Variants in SMAD9 observed in about 807,000 individuals in gnomAD.
SMAD9 encodes the protein MAD homolog 9.
In SMAD9, 36 loss-of-function variants were observed where a neutral mutation model predicts 46.1. That is an observed-to-expected ratio of 0.78 (90% CI 0.60 to 1.03). The LOEUF (loss-of-function observed/expected upper bound fraction) is 1.03. Among genes scored for constraint, SMAD9 ranks in the 50% least tolerant of loss-of-function variants. SMAD9 has a pLI of 0.00. For synonymous variants in SMAD9, 245 were observed against 237.1 expected (o/e 1.03, Z -0.31); for missense variants, 572 against 599.8 (o/e 0.95, Z 0.48).
At chr13:36,854,884 G>T (rs540579615) in intron 5 of SMAD9, among the ~76,000 whole-genome samples, 3 of 152,162 alleles carry the variant, frequency 2.0e-5, no homozygotes, top group South Asian at 4.1e-4. Flanking sequence ...TGTCTATTTT[G>T]ATTTGTGAAG....
At chr13:36,866,804 G>C (rs1267906364) in intron 4 of SMAD9, among the ~76,000 whole-genome samples, 7 of 152,146 alleles carry the variant, frequency 4.6e-5, no homozygotes, top group Non-Finnish European at 1.0e-4. Flanking sequence ...ATTTATGCAA[G>C]ATCACAACGT....
intron 5 of SMAD9, among the ~76,000 whole-genome samples, chr13:36,858,770 C>T (rs551611227): frequency 8.5e-5 from 13 of 152,312 alleles, no homozygotes; most frequent in African/African-American, 2.2e-4. Context: ...TCAAAGCTAA[C>T]ATCTATTAGT....
Position 36,879,662 on chromosome 13 carries a change from G to A in SMAD9, c.28C>T (p.Leu10Phe), listed in dbSNP as rs1286123748. The A allele has an allele frequency of 6.2e-7, 1 of 1,614,204 alleles. No individual in the cohort carries two copies. The highest frequency in any genetic ancestry group is 8.5e-7 in the Non-Finnish European group (1 of 1,180,040). ...ACTGCGGGGCTGGTGAAGGAGAAGA[G>A]GGAGCTGATGGGGGTGGTGGAGTGC... MHSTTPISS[L>F]FSFTSPAVKR... The change falls in exon 2 of 7, where the codon CTC becomes TTC. Residue 10 changes from leucine (L) to phenylalanine (F), a missense_variant. Transcript: ENST00000379826.
In SMAD9 at chr13:36,872,800, G is replaced by C; in HGVS notation, c.528C>G (p.Thr176=). 1.2e-6 allele frequency: 2 copies of C among 1,614,106 alleles called. No homozygotes were observed. Among genetic ancestry groups the C allele is most frequent in the Non-Finnish European group, 1.7e-6 (2 of 1,180,018 alleles). The change falls in exon 3 of 7, where the codon ACC becomes ACG. Residue 176 remains threonine (T), a synonymous_variant. Transcript: ENST00000379826. ...GAGGCTGCTGGAAAGAGTCAGGATA[G>C]GTGGCGTTGTGTGGCATGAGTGGCT... ...HSEPLMPHNA[T]YPDSFQQPPC...
intron 3 of SMAD9, among the ~76,000 whole-genome samples, chr13:36,870,476 C>A (rs972797086): frequency 3.3e-5 from 5 of 152,118 alleles, no homozygotes; most frequent in Non-Finnish European, 7.4e-5. Context: ...GGACCTCCCT[C>A]CCCCAATTCA....
chr13:36,853,515 CTGGTTGTT>C lies in SMAD9; in HGVS notation c.1156_1163del (p.Asn386AlafsTer15). 1 of 1,614,188 alleles carries C rather than the reference CTGGTTGTT, an allele frequency of 6.2e-7. No individual in the cohort carries two copies. The highest frequency in any genetic ancestry group is 8.5e-7 in the Non-Finnish European group (1 of 1,180,046). On this transcript the variant is annotated frameshift_variant, in exon 6 of 7. Coordinates refer to ENST00000379826, the MANE Select transcript of SMAD9 (RefSeq NM_001127217.3). LOFTEE classifies it high-confidence loss of function. ...ACTGGGCCAGGAGCTGAGCGAAGAG[CTGGTTGTT>C]GAAGACCTTGAGGCTGCAGCCGCTG... is the stretch of plus-strand genomic sequence containing the variant.
chr13:36,852,728 G>T (rs568504314), intron 6 of SMAD9, among the ~76,000 whole-genome samples: 1 of 152,148 alleles, frequency 6.6e-6, no homozygotes, highest in African/African-American at 2.4e-5. Flanking sequence ...CTTTCTAAGA[G>T]TAAGGAGAGT....
At chr13:36,873,717 G>A (rs2058318707) in intron 2 of SMAD9, among the ~76,000 whole-genome samples, 1 of 152,074 alleles carries the variant, frequency 6.6e-6, no homozygotes, top group Non-Finnish European at 1.5e-5. Context: ...ACAACAATTA[G>A]CCGGGTGTGG....
At chr13:36,893,911 A>G (rs1351463639) in intron 1 of SMAD9, among the ~76,000 whole-genome samples, 3 of 152,116 alleles carry the variant, frequency 2.0e-5, no homozygotes, top group South Asian at 4.1e-4. Flanking sequence ...CATAATTTTT[A>G]TAAGTGTGCT....
intron 1 of SMAD9, among the ~76,000 whole-genome samples, chr13:36,914,470 G>A (rs544788149): frequency 7.9e-5 from 12 of 152,204 alleles, no homozygotes; most frequent in African/African-American, 7.2e-5. Context: ...AGTGAGCCGA[G>A]ATGGTGCCAC....
At chr13:36,890,845 A>G (rs1253768513) in intron 1 of SMAD9, among the ~76,000 whole-genome samples, 1 of 151,900 alleles carries the variant, frequency 6.6e-6, no homozygotes, top group Non-Finnish European at 1.5e-5. Flanking sequence ...CTCTCTCAAA[A>G]TCAATGCAGT....
At chr13:36,864,928 C>T (rs2058217365) in intron 5 of SMAD9, among the ~76,000 whole-genome samples, 1 of 152,160 alleles carries the variant, frequency 6.6e-6, no homozygotes, top group South Asian at 2.1e-4. Context: ...ATTTAAAGAT[C>T]CTCAGCCAGA....
intron 1 of SMAD9, among the ~76,000 whole-genome samples, chr13:36,919,215 G>A (rs375017061): frequency 5.9e-5 from 9 of 152,216 alleles, no homozygotes; most frequent in African/African-American, 2.2e-4. Flanking sequence ...GTCAAGGGCA[G>A]GAGGAGGAAG....
rs368984110 is a variant in SMAD9 at position 36,879,715 on chromosome 13, G to C, written c.-26C>G. The C allele has an allele frequency of 3.7e-6, 6 of 1,612,602 alleles. No individual in the cohort carries two copies. In the Admixed American group the frequency reaches 8.3e-5, roughly 22 times the overall value. On this transcript the variant is annotated 5_prime_UTR_variant, in exon 2 of 7. Transcript: ENST00000379826. ...AAGAGGCCACAGCAGGCTCCGGCGCGCACGGGAACCGCACAGCCCTTCACG... is the reference window on the plus strand; with the variant it reads ...AAGAGGCCACAGCAGGCTCCGGCGCCCACGGGAACCGCACAGCCCTTCACG...
At chr13:36,903,377 G>A (rs532047535) in intron 1 of SMAD9, among the ~76,000 whole-genome samples, 40 of 152,006 alleles carry the variant, frequency 2.6e-4, no homozygotes, top group Non-Finnish European at 4.7e-4. Flanking sequence ...CACCTGCCTC[G>A]GCCTCCCAAA....
At chr13:36,865,446 C>T in intron 5 of SMAD9, 91 bp downstream of exon 5, 2 of 1,069,752 alleles carry the variant, frequency 1.9e-6, no homozygotes, top group Non-Finnish European at 2.9e-6. Context: ...GGGCACATGA[C>T]CAACATGTGA....
chr13:36,885,235 T>C (rs1169503988), intron 1 of SMAD9, among the ~76,000 whole-genome samples: 1 of 152,246 alleles, frequency 6.6e-6, no homozygotes, highest in Non-Finnish European at 1.5e-5. Flanking sequence ...TATTTTACTT[T>C]ATAATAACTT....
intron 1 of SMAD9, among the ~76,000 whole-genome samples, chr13:36,905,796 A>G (rs1190503035): frequency 1.2e-5 from 1 of 85,248 alleles, no homozygotes; most frequent in Non-Finnish European, 2.5e-5. Flanking sequence ...AAAAAAAAAA[A>G]AAAAAAAAAA....
chr13:36,878,824 G>A (rs1417486538), intron 2 of SMAD9, among the ~76,000 whole-genome samples: 1 of 152,176 alleles, frequency 6.6e-6, no homozygotes, highest in East Asian at 1.9e-4. Context: ...ACTGGTAAAA[G>A]ATTATGTTGA....
Sources: gnomAD v4.1 joint callset for allele counts (sites outside exome capture counted in the v4.1 genomes callset) on GRCh38, gnomAD v4.1.1 for gene constraint, MANE v1.5 for transcripts, NCBI Gene and HGNC (gene_info 2026-07-23, HGNC 2026-07-21) for gene names.